The following NFIB variants were observed in gnomAD, a reference collection of about 807,000 sequenced individuals.
NFIB encodes the protein nuclear factor I B.
Under a neutral mutation model 61.5 loss-of-function variants are expected in NFIB, and 11 were observed. The ratio of observed to expected loss-of-function variants is 0.18; its 90% CI spans 0.11 to 0.30. The LOEUF (loss-of-function observed/expected upper bound fraction) is 0.30. Among genes scored for constraint, NFIB ranks in the 10% least tolerant of loss-of-function variants. The probability of loss-of-function intolerance (pLI) is 1.00; values close to 1 mark genes in which losing one functional copy is unlikely to be tolerated. For missense variants in NFIB, 471 were observed against 608.9 expected, an observed-to-expected ratio of 0.77 and a Z score of 2.38; for synonymous variants, 260 against 216.5, an observed-to-expected ratio of 1.20 and a Z score of -1.76.
chr9:14,158,259 C>A (rs2043697704), intron 3 of NFIB, among the ~76,000 whole-genome samples: 1 of 152,126 alleles, frequency 6.6e-6, no homozygotes, highest in Non-Finnish European at 1.5e-5. Flanking sequence ...CTTCCTCCTG[C>A]AGCTCCCTGA....
In NFIB at chr9:14,244,994, A is replaced by G. The variant is rs181230099; in HGVS notation, c.562+61995T>C. On this transcript the variant is annotated intron_variant, in intron 2 of 10. Transcript: ENST00000380953. ...CTATCATTCTCCTGTATTAACTCCA[A>G]TTCTTCTAAAAGTCAGCATTCCCCT... 8.9e-4 allele frequency among the ~76,000 whole-genome samples: 135 copies of G among 152,196 alleles called. 1 individual carries two copies. Among genetic ancestry groups the G allele is most frequent in the African/African-American group, 3.1e-3 (127 of 41,532 alleles).
the NFIB span, among the ~76,000 whole-genome samples, chr9:14,522,433 AAAT>A: frequency 6.6e-6 from 1 of 152,218 alleles, no homozygotes; most frequent in South Asian, 2.1e-4. Context: ...TGGAAAAATA[AAAT>A]AACAATTTAG....
chr9:14,400,451 T>C (rs1038320542), upstream of NFIB, among the ~76,000 whole-genome samples: 1 of 152,118 alleles, frequency 6.6e-6, no homozygotes, highest in African/African-American at 2.4e-5. Flanking sequence ...TTTGTTTTTT[T>C]GACCCAACTT....
chr9:14,100,578 C>T (rs577043654), intron 10 of NFIB, among the ~76,000 whole-genome samples: 2 of 152,204 alleles, frequency 1.3e-5, no homozygotes, highest in East Asian at 1.9e-4. Context: ...GGCGTGGTGG[C>T]GGGCGCCTGT....
the NFIB span, among the ~76,000 whole-genome samples, chr9:14,409,477 C>G: frequency 2.0e-5 from 3 of 152,148 alleles, no homozygotes; most frequent in Non-Finnish European, 4.4e-5. Context: ...CTAATGCCTG[C>G]CCATGCCATC....
intron 6 of NFIB, among the ~76,000 whole-genome samples, chr9:14,134,091 T>C (rs902690965): frequency 1.3e-5 from 2 of 152,040 alleles, no homozygotes; most frequent in Non-Finnish European, 2.9e-5. Context: ...AAAATTCAAA[T>C]GATAAAAAAG....
chr9:14,322,296 GGTGTGTGTGTGTGCGCCCGC>G (rs1564007809), intron 1 of NFIB: 10 of 330,932 alleles, frequency 3.0e-5, no homozygotes, highest in African/African-American at 6.3e-5. Context: ...CGTCCAGGAT[GGTGTGTGTGTGTGCGCCCGC>G]GTGTGCGTGT....
intron 2 of NFIB, among the ~76,000 whole-genome samples, chr9:14,257,911 A>C (rs35367102): frequency 0.043 from 6,523 of 152,236 alleles, 187 homozygotes; most frequent in Non-Finnish European, 0.066. Flanking sequence ...TTTAACGGAC[A>C]AGGTTTTCTT....
chr9:14,502,501 TG>T, the NFIB span, among the ~76,000 whole-genome samples: 1 of 152,178 alleles, frequency 6.6e-6, no homozygotes, highest in Admixed American at 6.5e-5. Flanking sequence ...AAACCTTTTT[TG>T]CTCAAACATC....
chr9:14,320,595 C>A lies in NFIB; in HGVS notation c.109-13075G>T, dbSNP rs542172831. The stretch of plus-strand genomic sequence containing the variant: ...ACTTAGGATGCTTAAAGGTCAGTTT[C>A]TTTGCCTCACAATGCTTTTCTTCAT... On this transcript the variant is annotated intron_variant, in intron 1 of 8. Transcript: ENST00000380934. Among the ~76,000 whole-genome samples, 6 of 152,314 alleles carry A rather than the reference C, an allele frequency of 3.9e-5. No individual in the cohort carries two copies. The South Asian group carries it at 1.0e-3, about 26-fold the overall frequency.
chr9:14,113,166 G>T, intron 9 of NFIB, 85 bp from the exon 10 acceptor site: 2 of 1,234,922 alleles, frequency 1.6e-6, no homozygotes, highest in Non-Finnish European at 2.2e-6. Context: ...ACCCAGAGAA[G>T]TGGGATTTGC....
At chr9:14,429,838 A>G in the NFIB span, among the ~76,000 whole-genome samples, 3 of 152,210 alleles carry the variant, frequency 2.0e-5, no homozygotes, top group Non-Finnish European at 4.4e-5. Context: ...TTCTGATGTA[A>G]TAAATTATTT....
At chr9:14,468,407 T>A in the NFIB span, among the ~76,000 whole-genome samples, 1 of 152,342 alleles carries the variant, frequency 6.6e-6, no homozygotes, top group South Asian at 2.1e-4. Context: ...TTTCCAACAT[T>A]TAGCGTAACA....
At chr9:14,453,004 G>T in the NFIB span, among the ~76,000 whole-genome samples, 1 of 152,164 alleles carries the variant, frequency 6.6e-6, no homozygotes, top group Non-Finnish European at 1.5e-5. Flanking sequence ...CACTTTGATT[G>T]CTTTGTAACG....
chr9:14,392,100 T>C (rs904617694), intron 1 of NFIB, among the ~76,000 whole-genome samples: 2 of 152,028 alleles, frequency 1.3e-5, no homozygotes, highest in African/African-American at 2.4e-5. Context: ...ACCTGACCAA[T>C]ATGCCTCAAA....
chr9:14,388,093 G>A (rs1280330143), intron 1 of NFIB, among the ~76,000 whole-genome samples: 1 of 152,112 alleles, frequency 6.6e-6, no homozygotes, highest in Non-Finnish European at 1.5e-5. Context: ...AAAACAAAAT[G>A]AGAAAAACAA....
intron 1 of NFIB, among the ~76,000 whole-genome samples, chr9:14,323,139 T>G (rs1429237538): frequency 6.6e-6 from 1 of 152,174 alleles, no homozygotes; most frequent in Non-Finnish European, 1.5e-5. Context: ...GCGTTATCAT[T>G]AAAGCAAAAG....
chr9:14,358,505 A>G (rs904629335), intron 1 of NFIB, among the ~76,000 whole-genome samples: 1 of 152,164 alleles, frequency 6.6e-6, no homozygotes, highest in Non-Finnish European at 1.5e-5. Context: ...TAATTCTTGG[A>G]AACTTTGCTG....
At chr9:14,289,137 T>C (rs952667688) in intron 2 of NFIB, among the ~76,000 whole-genome samples, 20 of 146,118 alleles carry the variant, frequency 1.4e-4, no homozygotes, top group East Asian at 2.1e-4. Context: ...TATATATATA[T>C]ATACATATAT....
Sources: allele counts gnomAD v4.1 joint callset (sites outside exome capture counted in the v4.1 genomes callset), GRCh38; gene constraint gnomAD v4.1.1; transcripts MANE v1.5; gene names NCBI Gene and HGNC (gene_info 2026-07-23, HGNC 2026-07-21).